FHAD1: variants seen among roughly 807,000 people sequenced by gnomAD.
FHAD1 encodes forkhead-associated domain-containing protein 1.
FHAD1 carries 146 observed loss-of-function variants against 191.3 expected under a neutral mutation model. The ratio of observed to expected loss-of-function variants is 0.76; its 90% CI spans 0.67 to 0.88. The LOEUF (loss-of-function observed/expected upper bound fraction) is 0.88. Among genes scored for constraint, FHAD1 ranks in the 40% least tolerant of loss-of-function variants. The pLI, the probability that FHAD1 is intolerant of heterozygous loss-of-function variation, is 0.00. For synonymous variants in FHAD1, 616 were observed against 672.3 expected, an observed-to-expected ratio of 0.92 and a Z score of 1.29; for missense variants, 1,635 against 1,785.8, an observed-to-expected ratio of 0.92 and a Z score of 1.52.
At chr1:15,319,214 A>C (rs982695815) in intron 10 of FHAD1, among the ~76,000 whole-genome samples, 1 of 152,214 alleles carries the variant, frequency 6.6e-6, no homozygotes, top group Non-Finnish European at 1.5e-5. Flanking sequence ...CTGAGAAATA[A>C]AAGCAAATAA....
intron 20 of FHAD1, among the ~76,000 whole-genome samples, chr1:15,356,601 G>A (rs1692878707): frequency 6.6e-6 from 1 of 152,198 alleles, no homozygotes; most frequent in African/African-American, 2.4e-5. Context: ...GCCAGGCACA[G>A]TGACTCACGC....
intron 1 of FHAD1, among the ~76,000 whole-genome samples, chr1:15,250,430 G>A (rs755165399): frequency 6.6e-6 from 1 of 152,198 alleles, no homozygotes; most frequent in Admixed American, 6.5e-5. Context: ...GCAAAATGCC[G>A]ATGGTAGAAT....
intron 19 of FHAD1, among the ~76,000 whole-genome samples, 154 bp downstream of exon 19, chr1:15,349,303 C>T (rs975403641): frequency 2.6e-5 from 4 of 152,152 alleles, no homozygotes; most frequent in African/African-American, 9.7e-5. Context: ...TCCGGCAGAT[C>T]GCCACCTCCC....
intron 33 of FHAD1, among the ~76,000 whole-genome samples, chr1:15,393,375 T>G (rs1423513706): frequency 6.6e-6 from 1 of 151,956 alleles, no homozygotes; most frequent in Non-Finnish European, 1.5e-5. Flanking sequence ...AAATTCATTC[T>G]TTCTATGTAT....
intron 5 of FHAD1, among the ~76,000 whole-genome samples, chr1:15,297,670 G>T (rs531547210): frequency 6.6e-6 from 1 of 152,288 alleles, no homozygotes; most frequent in East Asian, 1.9e-4. Flanking sequence ...GCCTTGGAAG[G>T]TTCTCCTGCT....
At chr1:15,373,491 G>A (rs748061564) in intron 26 of FHAD1, among the ~76,000 whole-genome samples, 4 of 149,350 alleles carry the variant, frequency 2.7e-5, no homozygotes, top group Admixed American at 1.3e-4. Flanking sequence ...TAGCCTGGGC[G>A]ACAGAGCAAG....
chr1:15,279,653 C>T (rs1659832663), intron 3 of FHAD1, among the ~76,000 whole-genome samples: 1 of 151,552 alleles, frequency 6.6e-6, no homozygotes, highest in Non-Finnish European at 1.5e-5. Flanking sequence ...CCACTGGCAA[C>T]CCCAGCACCT....
intron 26 of FHAD1, among the ~76,000 whole-genome samples, chr1:15,373,617 C>T (rs770590731): frequency 5.3e-5 from 8 of 152,198 alleles, no homozygotes; most frequent in Non-Finnish European, 8.8e-5. Context: ...CCTTGGGAGG[C>T]GGAAGCAGGA....
intron 14 of FHAD1, among the ~76,000 whole-genome samples, chr1:15,339,096 A>G (rs1195665086): frequency 1.3e-5 from 2 of 152,154 alleles, no homozygotes; most frequent in South Asian, 2.1e-4. Flanking sequence ...GGCTCACTGC[A>G]ACCTCTGCCT....
intron 14 of FHAD1, among the ~76,000 whole-genome samples, chr1:15,338,774 C>T (rs1196763950): frequency 1.3e-5 from 2 of 152,194 alleles, no homozygotes; most frequent in African/African-American, 4.8e-5. Context: ...TCACCCTCCC[C>T]TCTCCTTCAG....
intron 23 of FHAD1, among the ~76,000 whole-genome samples, chr1:15,363,549 A>G (rs900499819): frequency 1.3e-5 from 2 of 152,216 alleles, no homozygotes; most frequent in South Asian, 4.1e-4. Flanking sequence ...AAATCTAGCT[A>G]ATACTGTTAT....
At position 15,329,632 on chromosome 1, in the gene FHAD1, C is replaced by T; in HGVS notation, c.1906+91C>T. 1 of 1,248,746 alleles carries T rather than the reference C, an allele frequency of 8.0e-7. No homozygotes were observed. Among genetic ancestry groups the T allele is most frequent in the South Asian group, 1.3e-5 (1 of 74,430 alleles). 77.4% of individuals were successfully genotyped at this position (1,248,746 alleles called of 1,614,324 possible). ...ATGGGACATCTGTTGAGGAAGTCTTCCTGGGTATCTGGCCAAGTCTATTCC... is the reference window on the plus strand; with the variant it reads ...ATGGGACATCTGTTGAGGAAGTCTTTCTGGGTATCTGGCCAAGTCTATTCC... On this transcript the variant is annotated intron_variant, in intron 14 of 33. Transcript: ENST00000688493. This position sits in a 1 kb window ranked among gnomAD's most constrained non-coding sequence, Gnocchi z 5.0.
chr1:15,356,508 C>T (rs1443386454), intron 20 of FHAD1, among the ~76,000 whole-genome samples: 2 of 152,174 alleles, frequency 1.3e-5, no homozygotes, highest in Admixed American at 6.5e-5. Context: ...GTGCGTGCTA[C>T]GTGACCCAGG....
In FHAD1 at chr1:15,289,044, G is replaced by GTGC. The variant is rs1026582431; in HGVS notation, c.301-353_301-351dup. Among the ~76,000 whole-genome samples, 3 of 152,176 alleles carry GTGC rather than the reference G, an allele frequency of 2.0e-5. No homozygotes were observed. Among genetic ancestry groups the GTGC allele is most frequent in the African/African-American group, 7.2e-5 (3 of 41,428 alleles). ...CTGTCGCCCAGGATGGAGTGCAGTG[G>GTGC]TGCTATCACAGCTCACTGCAGCCTC... On this transcript the variant is annotated intron_variant, in intron 3 of 33. Coordinates refer to ENST00000688493, the MANE Select transcript of FHAD1 (RefSeq NM_001391957.1). The surrounding 1 kb of genome is among the most constrained non-coding windows in gnomAD (Gnocchi z 4.2).
chr1:15,249,479 CAG>C (rs934499621), intron 1 of FHAD1, among the ~76,000 whole-genome samples: 2 of 152,128 alleles, frequency 1.3e-5, no homozygotes, highest in African/African-American at 4.8e-5. Flanking sequence ...TTGAGGGCAA[CAG>C]GGCATGGTTC....
In FHAD1 at chr1:15,318,937, A is replaced by G. The variant is rs1434030520; in HGVS notation, c.1365+1009A>G. ...GTGTGGACAGAATCTCTTTCTTTCC[A>G]TTTGAATCATCTAGTTTATTTGATT... is the stretch of plus-strand genomic sequence containing the variant. On this transcript the variant is annotated intron_variant, in intron 10 of 33. Transcript: ENST00000688493. The surrounding 1 kb of genome is among the most constrained non-coding windows in gnomAD (Gnocchi z 4.1). Among the ~76,000 whole-genome samples the G allele has an allele frequency of 6.6e-6, 1 of 152,150 alleles. No individual in the cohort carries two copies. Among genetic ancestry groups the G allele is most frequent in the Non-Finnish European group, 1.5e-5 (1 of 68,030 alleles).
rs771163798 is a variant in FHAD1, at chr1:15,327,121, C to G, written c.1536C>G (p.Asp512Glu). 6.4e-7 allele frequency: 1 copy of G among 1,551,352 alleles called. No homozygotes were observed. The change falls in exon 12 of 34, where the codon GAC becomes GAG. Residue 512 changes from aspartate (D) to glutamate (E), a missense_variant. Coordinates refer to ENST00000688493, the MANE Select transcript of FHAD1 (RefSeq NM_001391957.1). The surrounding 1 kb of genome is among the most constrained non-coding windows in gnomAD (Gnocchi z 5.1). ...ATYGRAKPFR[D>E]KPVTDQQLIE... The stretch of plus-strand genomic sequence containing the variant: ...ATGGACGGGCGAAGCCGTTCCGGGA[C>G]AAGCCCGTCACCGACCAACAGGTTA...
chr1:15,242,413 A>T (rs765777957), upstream of FHAD1, among the ~76,000 whole-genome samples: 1 of 152,192 alleles, frequency 6.6e-6, no homozygotes, highest in Non-Finnish European at 1.5e-5. Context: ...AAAACTGTGC[A>T]TGACATGGTG....
rs1470827735 is a variant in FHAD1 at position 15,381,439 on chromosome 1, T to C, written c.4010T>C (p.Val1337Ala). The change falls in exon 30 of 34, where the codon GTT (valine) becomes GCT (alanine). Residue 1337 changes from valine to alanine, a missense_variant. Physicochemically the swap from Val to Ala is moderately conservative, Grantham distance 64 (BLOSUM62 0). Coordinates refer to ENST00000688493, the MANE Select transcript of FHAD1 (RefSeq NM_001391957.1). This position sits in a 1 kb window ranked among gnomAD's most constrained non-coding sequence, Gnocchi z 4.6. ...CTGTTGAGAGGATATGAAAAGGACG[T>C]TGAACAGCTCAGGTACCTCGGCACC... ...EELLRGYEKD[V>A]EQLRRSKVSI... 3 of 1,551,178 alleles carry C rather than the reference T, an allele frequency of 1.9e-6. No homozygotes were observed. Among genetic ancestry groups the C allele is most frequent in the Non-Finnish European group, 2.6e-6 (3 of 1,146,948 alleles).
Sources: allele counts gnomAD v4.1 joint callset (sites outside exome capture counted in the v4.1 genomes callset), GRCh38; gene constraint gnomAD v4.1.1; non-coding constraint Gnocchi (gnomAD v3.1); transcripts MANE v1.5; gene names NCBI Gene and HGNC (gene_info 2026-07-23, HGNC 2026-07-21).